Variants in LHFPL2 observed in about 807,000 individuals in gnomAD.
LHFPL2 encodes the protein LHFPL tetraspan subfamily member 2 protein.
LHFPL2 carries 7 observed loss-of-function variants against 17.5 expected under a neutral mutation model. The ratio of observed to expected loss-of-function variants is 0.40; its 90% CI spans 0.23 to 0.75. The LOEUF (loss-of-function observed/expected upper bound fraction) is 0.75, where lower values mean the gene tolerates loss of function less well. Ranked by LOEUF, LHFPL2 falls within the 30% of genes least tolerant of loss-of-function variation. The probability of loss-of-function intolerance (pLI) is 0.37; values close to 1 mark genes in which losing one functional copy is unlikely to be tolerated. For synonymous variants in LHFPL2, 134 were observed against 116.2 expected (o/e 1.15, Z -0.99); for missense variants, 241 against 294.8 (o/e 0.82, Z 1.34).
Position 78,648,245 on chromosome 5 carries a change from G to T in LHFPL2, c.-350+254C>A, listed in dbSNP as rs773485197. On this transcript the variant is annotated intron_variant, in intron 1 of 4. Coordinates refer to ENST00000380345, the MANE Select transcript of LHFPL2 (RefSeq NM_005779.3). This position sits in a 1 kb window ranked among gnomAD's most constrained non-coding sequence, Gnocchi z 5.4. ...CGGCACAACTTTTTTCCACTTCTGC[G>T]GCCGCCGGCGGCGCTGAGAAGCAGC... is the stretch of plus-strand genomic sequence containing the variant. Among the ~76,000 whole-genome samples the T allele has an allele frequency of 3.4e-4, 51 of 152,052 alleles. No homozygotes were observed. Among genetic ancestry groups the T allele is most frequent in the Non-Finnish European group, 5.6e-4 (38 of 67,982 alleles).
At chr5:78,585,632 TC>T (rs952102979) in intron 2 of LHFPL2, among the ~76,000 whole-genome samples, 1 of 152,104 alleles carries the variant, frequency 6.6e-6, no homozygotes, top group Non-Finnish European at 1.5e-5. Context: ...TGGCTCCTCC[TC>T]CCGCTCTCAA....
chr5:78,626,498 C>A, intron 2 of LHFPL2: 1 of 152,346 alleles, frequency 6.6e-6, no homozygotes, highest in Non-Finnish European at 1.5e-5. Context: ...ATTCTTCCCT[C>A]TCCACGCCCC....
intron 2 of LHFPL2, among the ~76,000 whole-genome samples, chr5:78,583,503 G>T (rs931532711): frequency 1.3e-4 from 19 of 149,232 alleles, no homozygotes; most frequent in African/African-American, 4.7e-4. Context: ...CTCAGCATTT[G>T]CTTGTCTGTA....
intron 1 of LHFPL2, among the ~76,000 whole-genome samples, chr5:78,638,264 A>G (rs1475000662): frequency 6.6e-6 from 1 of 152,194 alleles, no homozygotes. Flanking sequence ...CTGAGGCAGG[A>G]GAATGGTGTA....
intron 4 of LHFPL2, among the ~76,000 whole-genome samples, chr5:78,505,348 C>T (rs2112313122): frequency 6.6e-6 from 1 of 152,260 alleles, no homozygotes; most frequent in South Asian, 2.1e-4. Context: ...CTCATGAAGA[C>T]TAATCAACCT....
chr5:78,514,884 A>T (rs1226551959), intron 3 of LHFPL2, among the ~76,000 whole-genome samples: 1 of 152,152 alleles, frequency 6.6e-6, no homozygotes, highest in Non-Finnish European at 1.5e-5. Flanking sequence ...ACAGACAATG[A>T]TCACCCACAT....
intron 2 of LHFPL2, among the ~76,000 whole-genome samples, chr5:78,565,730 C>T (rs1425360116): frequency 6.6e-6 from 1 of 152,170 alleles, no homozygotes; most frequent in Non-Finnish European, 1.5e-5. Context: ...AGTAGAGAAC[C>T]TTCCTCAATA....
intron 1 of LHFPL2, among the ~76,000 whole-genome samples, chr5:78,641,545 C>T (rs1478115956): frequency 6.6e-6 from 1 of 151,998 alleles, no homozygotes; most frequent in East Asian, 1.9e-4. Context: ...TTCCAAAGTT[C>T]ACCCCCAAGT....
At chr5:78,520,000 A>G (rs1046676131) in intron 3 of LHFPL2, among the ~76,000 whole-genome samples, 1 of 151,300 alleles carries the variant, frequency 6.6e-6, no homozygotes, top group African/African-American at 2.5e-5. Context: ...GTCTTTGGGC[A>G]ATAAACGTCA....
At chr5:78,497,706 A>T (rs895918662) in intron 4 of LHFPL2, among the ~76,000 whole-genome samples, 1 of 152,236 alleles carries the variant, frequency 6.6e-6, no homozygotes, top group Non-Finnish European at 1.5e-5. Context: ...TCAGTTTGCA[A>T]TTCTGGCCAA....
intron 2 of LHFPL2, among the ~76,000 whole-genome samples, chr5:78,597,243 C>G (rs899596305): frequency 2.0e-5 from 3 of 152,184 alleles, no homozygotes; most frequent in Non-Finnish European, 4.4e-5. Context: ...TCTGGGACAT[C>G]ACATCTCTTC....
chr5:78,544,571 G>A (rs1230637297), intron 3 of LHFPL2, among the ~76,000 whole-genome samples: 1 of 152,140 alleles, frequency 6.6e-6, no homozygotes, highest in East Asian at 1.9e-4. Flanking sequence ...TTTGTTAATA[G>A]GATGTATATG....
chr5:78,613,904 G>A (rs1233734843), intron 2 of LHFPL2, among the ~76,000 whole-genome samples: 2 of 152,186 alleles, frequency 1.3e-5, no homozygotes, highest in African/African-American at 2.4e-5. Context: ...CTGATTATAT[G>A]AAGGATAATG....
chr5:78,567,987 C>T (rs903984241), intron 2 of LHFPL2, among the ~76,000 whole-genome samples: 1 of 132,116 alleles, frequency 7.6e-6, no homozygotes, highest in Admixed American at 7.3e-5. Flanking sequence ...GTGTAAAACT[C>T]AGTGTAAAGA....
chr5:78,500,945 T>C (rs185942176), intron 4 of LHFPL2, among the ~76,000 whole-genome samples: 2 of 152,328 alleles, frequency 1.3e-5, no homozygotes, highest in Admixed American at 6.5e-5. Flanking sequence ...AATTTACAGC[T>C]GGGGCTAGAA....
chr5:78,575,080 A>T (rs1281528964), intron 2 of LHFPL2, among the ~76,000 whole-genome samples: 2 of 152,206 alleles, frequency 1.3e-5, no homozygotes, highest in Non-Finnish European at 1.5e-5. Context: ...TGTTCTTGCC[A>T]GTGGATTATA....
chr5:78,563,925 G>A (rs1561341073), intron 3 of LHFPL2, among the ~76,000 whole-genome samples: 1 of 152,130 alleles, frequency 6.6e-6, no homozygotes, highest in Non-Finnish European at 1.5e-5. Flanking sequence ...AACATTTGAG[G>A]AGTCACCAGT....
At chr5:78,637,735 G>A (rs903160155) in intron 1 of LHFPL2, among the ~76,000 whole-genome samples, 7 of 152,224 alleles carry the variant, frequency 4.6e-5, no homozygotes, top group African/African-American at 1.7e-4. Context: ...GGAGTAGCAG[G>A]GGAAGCATCA....
chr5:78,572,454 GTATGTGTATATACATGTGTATATA>G (rs1561344799), intron 2 of LHFPL2, among the ~76,000 whole-genome samples: 1 of 149,884 alleles, frequency 6.7e-6, no homozygotes, highest in African/African-American at 2.5e-5. Context: ...GTATATATAT[GTATGTGTATATACATGTGTATATA>G]TATGTGTATA....
Sources: gnomAD v4.1 joint callset for allele counts (sites outside exome capture counted in the v4.1 genomes callset) on GRCh38, gnomAD v4.1.1 for gene constraint, Gnocchi (gnomAD v3.1) non-coding constraint, MANE v1.5 for transcripts, NCBI Gene and HGNC (gene_info 2026-07-23, HGNC 2026-07-21) for gene names.